The following HSDL1 variants were observed in gnomAD, a reference collection of about 807,000 sequenced individuals.
HSDL1 encodes hydroxysteroid dehydrogenase like 1, also known as inactive hydroxysteroid dehydrogenase-like protein 1.
A neutral mutation model predicts 31.5 loss-of-function variants in HSDL1; 29 were observed. The observed-to-expected ratio is 0.92, with a 90% CI of 0.69 to 1.26. The LOEUF (loss-of-function observed/expected upper bound fraction) is 1.26. HSDL1 is among the 50% of genes most tolerant of loss of function. The probability of loss-of-function intolerance (pLI) is 0.00; values close to 1 mark genes in which losing one functional copy is unlikely to be tolerated. For synonymous variants in HSDL1, 222 were observed against 155.2 expected (o/e 1.43, Z -3.20); for missense variants, 503 against 416.6 (o/e 1.21, Z -1.81).
intron 5 of HSDL1, among the ~76,000 whole-genome samples, chr16:84,129,004 C>T (rs2086635385): frequency 6.6e-6 from 1 of 152,136 alleles, no homozygotes; most frequent in African/African-American, 2.4e-5. Context: ...CACCACACCC[C>T]AGCCAAAGTA....
chr16:84,123,312 A>C lies in HSDL1; in HGVS notation c.*1318T>G, dbSNP rs570393059. 1.3e-5 allele frequency: 2 copies of C among 152,332 alleles called. No homozygotes were observed. The highest frequency in any genetic ancestry group is 1.3e-4 in the Admixed American group (2 of 15,298). The allele number at this position is 152,332 out of a possible 1,614,324, so 9.4% of individuals were successfully genotyped here. A position where few individuals can be genotyped will look rare whatever the true frequency, so the allele number is the denominator to read the frequency against. On this transcript the variant is annotated 3_prime_UTR_variant, in exon 6 of 6. Coordinates refer to ENST00000219439, the MANE Select transcript of HSDL1 (RefSeq NM_031463.5). ...CCACAGAAGTCCAGACTTTTAACCAATCTACTAGCTTCTGCATCAGTATCA... is the reference window on the plus strand; with the variant it reads ...CCACAGAAGTCCAGACTTTTAACCACTCTACTAGCTTCTGCATCAGTATCA...
chr16:84,144,103 G>A (rs1215095426), intron 1 of HSDL1, among the ~76,000 whole-genome samples: 1 of 147,330 alleles, frequency 6.8e-6, no homozygotes, highest in African/African-American at 2.5e-5. Context: ...TCCTGTGGCG[G>A]TCAGAGTAAA....
rs1445757753 is a variant in HSDL1 at position 84,129,719 on chromosome 16, G to C, written c.723C>G (p.Ile241Met). Reference protein sequence around the residue: ...ALQYEYASKGIFVQSLIPFYV... With the variant: ...ALQYEYASKGMFVQSLIPFYV... ...AGAAAGGGATTAGACTCTGTACAAA[G>C]ATTCCTTTAGAGGCATATTCATATT... Residue 241 changes from isoleucine to methionine, a missense_variant, in exon 5 of 6, where the codon ATC (isoleucine) becomes ATG (methionine). Coordinates refer to ENST00000219439, the MANE Select transcript of HSDL1 (RefSeq NM_031463.5). The C allele has an allele frequency of 6.2e-7, 1 of 1,614,212 alleles. No individual in the cohort carries two copies. The highest frequency in any genetic ancestry group is 8.5e-7 in the Non-Finnish European group (1 of 1,180,028).
intron 1 of HSDL1, among the ~76,000 whole-genome samples, chr16:84,138,062 C>G (rs2086729111): frequency 6.6e-6 from 1 of 152,220 alleles, no homozygotes; most frequent in African/African-American, 2.4e-5. Flanking sequence ...AGGGCTCCAC[C>G]ACCTTGATCT....
At chr16:84,130,968 A>G (rs1281623566) in intron 3 of HSDL1, 134 bp downstream of exon 3, 3 of 727,754 alleles carry the variant, frequency 4.1e-6, no homozygotes, top group East Asian at 5.0e-5. Context: ...ATGTGAACAT[A>G]ATCACGGCAG....
chr16:84,124,724 A>T lies in HSDL1; in HGVS notation c.899T>A (p.Leu300His), dbSNP rs2086586072. ...TGYWSHSIQF[L>H]FAQYMPEWLW... The stretch of plus-strand genomic sequence containing the variant: ...CCATTCAGGCATATACTGTGCAAAA[A>T]GAAACTAAAAATGAAAGAGAAAAAG... Residue 300 changes from leucine (L) to histidine (H), a missense_variant, in exon 6 of 6, where the codon CTT becomes CAT. Transcript: ENST00000219439. 1.2e-6 allele frequency: 2 copies of T among 1,610,990 alleles called. No homozygotes were observed. Among genetic ancestry groups the T allele is most frequent in the Non-Finnish European group, 1.7e-6 (2 of 1,177,208 alleles).
chr16:84,142,865 T>C (rs2086781492), intron 1 of HSDL1, among the ~76,000 whole-genome samples: 1 of 152,240 alleles, frequency 6.6e-6, no homozygotes, highest in Admixed American at 6.5e-5. Context: ...AAGCTTTTCA[T>C]ACTCTGCGTC....
chr16:84,124,623 T>C lies in HSDL1; in HGVS notation c.*7A>G, dbSNP rs778083329. ...GTTGGCAAAACTTCTCAAGTGGCCA[T>C]CCAGACTCAGGCTGTGCAGGATAAG... On this transcript the variant is annotated 3_prime_UTR_variant, in exon 6 of 6. Coordinates refer to ENST00000219439, the MANE Select transcript of HSDL1 (RefSeq NM_031463.5). 4.4e-6 allele frequency: 7 copies of C among 1,600,804 alleles called. No individual in the cohort carries two copies. The South Asian group carries it at 4.4e-5, about 10-fold the overall frequency.
intron 1 of HSDL1, among the ~76,000 whole-genome samples, chr16:84,137,386 G>A (rs1358913719): frequency 6.6e-6 from 1 of 152,244 alleles, no homozygotes; most frequent in Admixed American, 6.5e-5. Flanking sequence ...CAGGCGCACA[G>A]GCGTGAAGGA....
chr16:84,142,816 G>C (rs2086781041), intron 1 of HSDL1, among the ~76,000 whole-genome samples: 1 of 152,074 alleles, frequency 6.6e-6, no homozygotes, highest in African/African-American at 2.4e-5. Flanking sequence ...ATACTGCTTT[G>C]TGTTCAAAGC....
At chr16:84,131,479 T>C (rs2086665247) in intron 2 of HSDL1, among the ~76,000 whole-genome samples, 152 bp from the exon 3 acceptor site, 2 of 143,128 alleles carry the variant, frequency 1.4e-5, no homozygotes. Context: ...GGCTCACAGT[T>C]TCAGTCTATC....
intron 1 of HSDL1, among the ~76,000 whole-genome samples, chr16:84,143,002 A>G (rs1022664046): frequency 2.0e-5 from 3 of 152,234 alleles, no homozygotes; most frequent in African/African-American, 7.2e-5. Flanking sequence ...ACATGGAATT[A>G]GAAACCTGGA....
chr16:84,130,548 C>T (rs182415059), intron 3 of HSDL1, 117 bp from the exon 4 acceptor site: 6 of 794,330 alleles, frequency 7.6e-6, no homozygotes, highest in East Asian at 2.5e-5. Flanking sequence ...GAAATCAAGT[C>T]GGTTCTAGTA....
chr16:84,137,762 T>C (rs2086725710), intron 1 of HSDL1, among the ~76,000 whole-genome samples: 3 of 152,366 alleles, frequency 2.0e-5, no homozygotes, highest in African/African-American at 2.4e-5. Context: ...AAATCAGTAC[T>C]TTCCCCAGAG....
chr16:84,130,303 C>G lies in HSDL1; in HGVS notation c.349G>C (p.Val117Leu). 6.2e-7 allele frequency: 1 copy of G among 1,614,220 alleles called. No individual in the cohort carries two copies. ...VAKDIADTYKVETDIIVADFS... is the reference protein window; with the variant it reads ...VAKDIADTYKLETDIIVADFS... ...TCCGCAACTATAATATCAGTTTCCACTTTGTACGTGTCGGCTATGTCTTTA... is the reference window on the plus strand; with the variant it reads ...TCCGCAACTATAATATCAGTTTCCAGTTTGTACGTGTCGGCTATGTCTTTA... Residue 117 changes from valine (V) to leucine (L), a missense_variant, in exon 4 of 6, where the codon GTG (valine) becomes CTG (leucine). By Grantham distance (32) the Val-to-Leu change is conservative (BLOSUM62 1). Transcript: ENST00000219439.
At chr16:84,136,250 T>G (rs2086711236) in intron 1 of HSDL1, among the ~76,000 whole-genome samples, 1 of 152,062 alleles carries the variant, frequency 6.6e-6, no homozygotes, top group Admixed American at 6.5e-5. Context: ...GCAGCCCCCC[T>G]AGGCTGTGAG....
intron 2 of HSDL1, among the ~76,000 whole-genome samples, chr16:84,134,352 G>A (rs959183594): frequency 1.3e-5 from 2 of 152,180 alleles, no homozygotes; most frequent in East Asian, 1.9e-4. Flanking sequence ...GCCAGGGACG[G>A]TGGCTCACAC....
chr16:84,137,917 T>C (rs920516224), intron 1 of HSDL1, among the ~76,000 whole-genome samples: 3 of 152,254 alleles, frequency 2.0e-5, no homozygotes, highest in African/African-American at 2.4e-5. Context: ...TACTGTTTTG[T>C]GGCTTGATTA....
chr16:84,140,945 G>T (rs1482954190), intron 1 of HSDL1, among the ~76,000 whole-genome samples: 3 of 152,074 alleles, frequency 2.0e-5, no homozygotes, highest in Non-Finnish European at 4.4e-5. Flanking sequence ...CAAAAAATTA[G>T]CCGGGCGCAG....
Sources: allele counts gnomAD v4.1 joint callset (sites outside exome capture counted in the v4.1 genomes callset), GRCh38; gene constraint gnomAD v4.1.1; transcripts MANE v1.5; gene names NCBI Gene and HGNC (gene_info 2026-07-23, HGNC 2026-07-21).